PRR35: variants seen among roughly 807,000 people sequenced by gnomAD.
The protein encoded by PRR35 is proline-rich protein 35.
PRR35 carries 14 observed loss-of-function variants against 18.6 expected under a neutral mutation model. That is an observed-to-expected ratio of 0.75 (90% CI 0.50 to 1.18). The LOEUF is 1.18. PRR35 is among the 50% of genes most tolerant of loss of function. The probability of loss-of-function intolerance (pLI) is 0.00; values close to 1 mark genes in which losing one functional copy is unlikely to be tolerated. For synonymous variants in PRR35, 425 were observed against 378.2 expected (o/e 1.12, Z -1.43); for missense variants, 832 against 792.2 (o/e 1.05, Z -0.60).
rs923157738 is a variant in PRR35 at position 565,016 on chromosome 16, G to A, written c.1425G>A (p.Lys475=). 2 of 1,605,282 alleles carry A rather than the reference G, an allele frequency of 1.2e-6. No individual in the cohort carries two copies. Among genetic ancestry groups the A allele is most frequent in the Non-Finnish European group, 1.7e-6 (2 of 1,177,164 alleles). ...LDLSVKRAPA[K]GPQALGEAWG... Reference sequence around the variant, plus strand: ...TCTCTGTGAAACGTGCGCCCGCCAAGGGGCCCCAGGCTCTTGGAGAGGCGT... The same window carrying A: ...TCTCTGTGAAACGTGCGCCCGCCAAAGGGCCCCAGGCTCTTGGAGAGGCGT... The change falls in exon 3 of 3, where the codon AAG becomes AAA. Residue 475 remains lysine (K), a synonymous_variant. Coordinates refer to ENST00000409413, the MANE Select transcript of PRR35 (RefSeq NM_145270.3).
intron 1 of PRR35, chr16:561,801 CGT>C: frequency 4.1e-6 from 4 of 985,278 alleles, no homozygotes; most frequent in Non-Finnish European, 4.8e-6. Flanking sequence ...GCCAGGTCTG[CGT>C]GTGTCCTGGG....
At position 563,339 on chromosome 16, in the gene PRR35, G is replaced by A; in HGVS notation, c.45G>A (p.Arg15=). 1 of 1,611,852 alleles carries A rather than the reference G, an allele frequency of 6.2e-7. No homozygotes were observed. The highest frequency in any genetic ancestry group is 8.5e-7 in the Non-Finnish European group (1 of 1,179,602). ...AGSCRVGTGA[R]ARSRKPKKPH... The stretch of plus-strand genomic sequence containing the variant: ...CATGCCGCGTGGGCACAGGGGCGAG[G>A]GCGCGGTCTCGGAAGCCCAAGAAGC... The change falls in exon 2 of 3, where the codon AGG becomes AGA. Residue 15 remains arginine (R), a synonymous_variant. Transcript: ENST00000409413.
rs768945399 is a variant in PRR35 at position 565,092 on chromosome 16, C to G, written c.1501C>G (p.Pro501Ala). The change falls in exon 3 of 3, where the codon CCC (proline) becomes GCC (alanine). Residue 501 changes from proline (P) to alanine (A), a missense_variant. Pro to Ala is a conservative substitution (Grantham distance 27). This residue lies in a region of PRR35 where 768 missense variants were observed against 704.1 expected (regional missense o/e 1.09). Transcript: ENST00000409413. Reference sequence around the variant, plus strand: ...GTTGACCGGGGGCACCCCCGAGCCACCCGGCATGCTGGGCCCTGCAGCGCC... The same window carrying G: ...GTTGACCGGGGGCACCCCCGAGCCAGCCGGCATGCTGGGCCCTGCAGCGCC... ...PVLTGGTPEP[P>A]GMLGPAAPQP... is the part of the protein sequence containing the mutation. The G allele has an allele frequency of 1.3e-6, 2 of 1,594,866 alleles. No homozygotes were observed. The highest frequency in any genetic ancestry group is 3.4e-5 in the Admixed American group (2 of 58,452).
chr16:560,337 G>C, upstream of PRR35: 1 of 981,736 alleles, frequency 1.0e-6, no homozygotes, highest in African/African-American at 1.8e-5. Flanking sequence ...GCGGTCGGAG[G>C]TCGCAGCGCC....
At position 560,476 on chromosome 16, in the gene PRR35, G is replaced by T. The variant is rs1281269438; in HGVS notation, c.-225G>T. 3 of 982,620 alleles carry T rather than the reference G, an allele frequency of 3.1e-6. No individual in the cohort carries two copies. The highest frequency in any genetic ancestry group is 3.6e-6 in the Non-Finnish European group (3 of 828,846). 60.9% of individuals were successfully genotyped at this position (982,620 alleles called of 1,614,324 possible). A position where few individuals can be genotyped will look rare whatever the true frequency, so the allele number is the denominator to read the frequency against. ...AGTCGCTGCCGCTCGAGGGACCGCG[G>T]ACCCGGGAGGTCCGGCTCCCGGCGC... On this transcript the variant is annotated 5_prime_UTR_variant, in exon 1 of 3. Transcript: ENST00000409413.
upstream of PRR35, chr16:560,348 C>CCCCGGAG (rs1416820068): frequency 2.2e-5 from 22 of 982,150 alleles, no homozygotes; most frequent in African/African-American, 3.5e-5. Context: ...TCGCAGCGCC[C>CCCCGGAG]CCCGGAGCCC....
rs1368508991 is a variant in PRR35 at position 564,715 on chromosome 16, G to C, written c.1124G>C (p.Gly375Ala). ...TCTGTGATGCTGTGGCCTGAGGACG[G>C]GGATCCAGGCGGCCCTGAGACCCCC... ...GSSVMLWPED[G>A]DPGGPETPGP... The change falls in exon 3 of 3, where the codon GGG becomes GCG. Residue 375 changes from glycine (G) to alanine (A), a missense_variant. Transcript: ENST00000409413. The C allele has an allele frequency of 7.8e-6, 12 of 1,533,930 alleles. No individual in the cohort carries two copies. The South Asian group carries it at 1.1e-4, about 14-fold the overall frequency.
rs368898001 is a variant in PRR35 at position 563,643 on chromosome 16, G to A, written c.349G>A (p.Val117Met). The A allele has an allele frequency of 3.4e-5, 53 of 1,577,684 alleles. No homozygotes were observed. Among genetic ancestry groups the A allele is most frequent in the Admixed American group, 1.4e-4 (8 of 56,740 alleles). Residue 117 changes from valine to methionine, a missense_variant, in exon 2 of 3, where the codon GTG becomes ATG. By Grantham distance (21) the Val-to-Met change is conservative. This residue lies in a region of PRR35 where 768 missense variants were observed against 704.1 expected (regional missense o/e 1.09). Transcript: ENST00000409413. ...AGGTGCTGCCCCCGCGCCTGACCTC[G>A]TGGTCGCCGACATCCACTCCCTGCA... The part of the protein sequence containing the change: ...PTGAAPAPDL[V>M]VADIHSLHCG...
At chr16:563,150 G>A in intron 1 of PRR35, 106 bp from the exon 2 acceptor site, 2 of 1,159,546 alleles carry the variant, frequency 1.7e-6, no homozygotes, top group Non-Finnish European at 2.3e-6. Context: ...GGCGGGGTGG[G>A]GGGAGCACCC....
chr16:564,708 G>C lies in PRR35; in HGVS notation c.1117G>C (p.Glu373Gln). 6.5e-7 allele frequency: 1 copy of C among 1,533,436 alleles called. No homozygotes were observed. Among genetic ancestry groups the C allele is most frequent in the Non-Finnish European group, 8.7e-7 (1 of 1,146,266 alleles). The allele number at this position is 1,533,436 out of a possible 1,614,324, so 95.0% of individuals were successfully genotyped here. The change falls in exon 3 of 3, where the codon GAG (glutamate) becomes CAG (glutamine). Residue 373 changes from glutamate (E) to glutamine (Q), a missense_variant. Glu to Gln is a conservative substitution (Grantham distance 29, BLOSUM62 2). Around this residue, in one of 3 missense-constraint regions of PRR35, gnomAD observed 768 missense variants for 704.1 expected, o/e 1.09. Coordinates refer to ENST00000409413, the MANE Select transcript of PRR35 (RefSeq NM_145270.3). ...PTGSSVMLWP[E>Q]DGDPGGPETP... ...CGGCTCCTCTGTGATGCTGTGGCCT[G>C]AGGACGGGGATCCAGGCGGCCCTGA...
At chr16:561,505 C>G (rs954902441) in intron 1 of PRR35, among the ~76,000 whole-genome samples, 2 of 152,210 alleles carry the variant, frequency 1.3e-5, no homozygotes, top group Non-Finnish European at 2.9e-5. Context: ...CCAGTCCAGG[C>G]CGGGTCTGCA....
chr16:562,596 G>C (rs62030862), intron 1 of PRR35, among the ~76,000 whole-genome samples: 1 of 149,220 alleles, frequency 6.7e-6, no homozygotes, highest in East Asian at 1.9e-4. Context: ...CACACACACA[G>C]ACACACACAG....
In PRR35 at chr16:561,734, C is replaced by A. The variant is rs544968557; in HGVS notation, c.-40+1073C>A. Reference sequence around the variant, plus strand: ...GTTTTGGGGGCAGCAGACAGCAGTGCCCCAGCCCTACCCTGCTCAACCCAC... The same window carrying A: ...GTTTTGGGGGCAGCAGACAGCAGTGACCCAGCCCTACCCTGCTCAACCCAC... On this transcript the variant is annotated intron_variant, in intron 1 of 2. Transcript: ENST00000409413. 8.2e-5 allele frequency: 81 copies of A among 985,378 alleles called. No individual in the cohort carries two copies. In the African/African-American group the frequency reaches 1.3e-3, roughly 15 times the overall value. 61.0% of individuals were successfully genotyped at this position (985,378 alleles called of 1,614,324 possible). A position where few individuals can be genotyped will look rare whatever the true frequency, so the allele number is the denominator to read the frequency against.
chr16:560,292 G>C, upstream of PRR35: 1 of 953,028 alleles, frequency 1.0e-6, no homozygotes, highest in South Asian at 4.8e-5. Context: ...CGCGGGGTTC[G>C]GGCCGGGGGC....
rs540247099 is a variant in PRR35 at position 565,053 on chromosome 16, G to A, written c.1462G>A (p.Glu488Lys). 7.2e-5 allele frequency: 115 copies of A among 1,594,244 alleles called. No individual in the cohort carries two copies. Among genetic ancestry groups the A allele is most frequent in the Middle Eastern group, 3.4e-4 (2 of 5,944 alleles). ...QALGEAWGRP[E>K]LGPVLTGGTP... ...TCTTGGAGAGGCGTGGGGGCGGCCC[G>A]AGCTGGGTCCCGTGTTGACCGGGGG... Residue 488 changes from glutamate (E) to lysine (K), a missense_variant, in exon 3 of 3, where the codon GAG becomes AAG. By Grantham distance (56) the Glu-to-Lys change is moderately conservative. Around this residue, in one of 3 missense-constraint regions of PRR35, gnomAD observed 768 missense variants for 704.1 expected, o/e 1.09. Transcript: ENST00000409413.
At chr16:562,490 C>T (rs531727756) in intron 1 of PRR35, among the ~76,000 whole-genome samples, 5 of 148,144 alleles carry the variant, frequency 3.4e-5, no homozygotes, top group Non-Finnish European at 7.5e-5. Context: ...CACATGAACA[C>T]AAGCATGCAC....
In PRR35 at chr16:563,630, C is replaced by T. The variant is rs542116116; in HGVS notation, c.336C>T (p.Pro112=). 7.8e-5 allele frequency: 123 copies of T among 1,582,092 alleles called. No homozygotes were observed. The highest frequency in any genetic ancestry group is 9.2e-5 in the Non-Finnish European group (108 of 1,170,284). The change falls in exon 2 of 3, where the codon CCC becomes CCT. Residue 112 remains proline, a synonymous_variant. Transcript: ENST00000409413. Reference sequence around the variant, plus strand: ...GAGCACGGCCCACAGGTGCTGCCCCCGCGCCTGACCTCGTGGTCGCCGACA... The same window carrying T: ...GAGCACGGCCCACAGGTGCTGCCCCTGCGCCTGACCTCGTGGTCGCCGACA... ...PQGARPTGAA[P]APDLVVADIH...
At position 565,013 on chromosome 16, in the gene PRR35, C is replaced by T. The variant is rs1380485395; in HGVS notation, c.1422C>T (p.Ala474=). ...PLDLSVKRAP[A]KGPQALGEAW... is the part of the protein sequence containing the mutation. The stretch of plus-strand genomic sequence containing the variant: ...ACCTCTCTGTGAAACGTGCGCCCGC[C>T]AAGGGGCCCCAGGCTCTTGGAGAGG... Residue 474 remains alanine (A), a synonymous_variant, in exon 3 of 3, where the codon GCC becomes GCT. Transcript: ENST00000409413. 3 of 1,605,406 alleles carry T rather than the reference C, an allele frequency of 1.9e-6. No homozygotes were observed. The highest frequency in any genetic ancestry group is 1.7e-5 in the Admixed American group (1 of 59,144).
chr16:561,347 G>A (rs891541473), intron 1 of PRR35, among the ~76,000 whole-genome samples: 1 of 152,200 alleles, frequency 6.6e-6, no homozygotes, highest in Admixed American at 6.5e-5. Context: ...TTGTGGCATC[G>A]GCTGGCACAG....
Sources: allele counts gnomAD v4.1 joint callset (sites outside exome capture counted in the v4.1 genomes callset), GRCh38; gene constraint gnomAD v4.1.1; regional missense constraint gnomAD v4.1.1; transcripts MANE v1.5; gene names NCBI Gene and HGNC (gene_info 2026-07-23, HGNC 2026-07-21).